HIBADH: variants seen among roughly 807,000 people sequenced by gnomAD.
HIBADH encodes 3-hydroxyisobutyrate dehydrogenase, also known as 3-hydroxyisobutyrate dehydrogenase, mitochondrial.
Under a neutral mutation model 36.1 loss-of-function variants are expected in HIBADH, and 25 were observed. That is an observed-to-expected ratio of 0.69 (90% CI 0.50 to 0.97). HIBADH has a LOEUF of 0.97. Ranked by LOEUF, HIBADH falls within the 50% of genes least tolerant of loss-of-function variation. HIBADH has a pLI of 0.00. For synonymous variants in HIBADH, 160 were observed against 149.5 expected (o/e 1.07, Z -0.51); for missense variants, 421 against 418.0 (o/e 1.01, Z -0.06).
chr7:27,541,148 T>TCTC (rs1562614912), intron 5 of HIBADH, among the ~76,000 whole-genome samples: 2 of 146,284 alleles, frequency 1.4e-5, no homozygotes, highest in Non-Finnish European at 3.0e-5. Context: ...TTTTTTTTTT[T>TCTC]CTCCGTAATA....
At chr7:27,575,449 G>C (rs1403647607) in intron 4 of HIBADH, among the ~76,000 whole-genome samples, 1 of 152,226 alleles carries the variant, frequency 6.6e-6, no homozygotes, top group Non-Finnish European at 1.5e-5. Context: ...TGGATCCAGA[G>C]TGTGGAGAGC....
At chr7:27,639,730 T>C (rs777790490) in intron 2 of HIBADH, among the ~76,000 whole-genome samples, 3 of 149,562 alleles carry the variant, frequency 2.0e-5, no homozygotes, top group Non-Finnish European at 4.5e-5. Flanking sequence ...ATTTTGTTTT[T>C]AAATTAAAAA....
intron 4 of HIBADH, among the ~76,000 whole-genome samples, chr7:27,560,536 C>A (rs1784449038): frequency 6.6e-6 from 1 of 152,126 alleles, no homozygotes; most frequent in Non-Finnish European, 1.5e-5. Flanking sequence ...CACCTGTCAC[C>A]TGAGTAGTGT....
In HIBADH at chr7:27,632,411, G is replaced by C. The variant is rs1276545421; in HGVS notation, c.287C>G (p.Ala96Gly). The C allele has an allele frequency of 1.2e-5, 19 of 1,613,450 alleles. No individual in the cohort carries two copies. The highest frequency in any genetic ancestry group is 1.5e-5 in the Non-Finnish European group (18 of 1,179,618). The change falls in exon 3 of 8, where the codon GCT (alanine) becomes GGT (glycine). Residue 96 changes from alanine to glycine, a missense_variant. Physicochemically the swap from Ala to Gly is moderately conservative, Grantham distance 60. Transcript: ENST00000265395. ...GGGCAGCATTGTAATAATTCTGTCA[G>C]CTTTTTCAGCAACATCTGCTGGGGA... ...VSSPADVAEK[A>G]DRIITMLPTS...
intron 2 of HIBADH, among the ~76,000 whole-genome samples, chr7:27,638,029 C>T (rs1182037341): frequency 6.6e-6 from 1 of 151,940 alleles, no homozygotes; most frequent in Non-Finnish European, 1.5e-5. Context: ...AGGGCTATTC[C>T]TATCAAACTA....
chr7:27,607,746 A>ATGC (rs1255655953), intron 4 of HIBADH, among the ~76,000 whole-genome samples: 1 of 18,388 alleles, frequency 5.4e-5, no homozygotes, highest in African/African-American at 3.1e-4. Context: ...GAATGCTGCA[A>ATGC]AAAAAAAAAA....
At chr7:27,548,077 T>G (rs1784260570) in intron 4 of HIBADH, among the ~76,000 whole-genome samples, 3 of 152,108 alleles carry the variant, frequency 2.0e-5, no homozygotes, top group Non-Finnish European at 4.4e-5. Flanking sequence ...TACCCTGATT[T>G]TAAAGTGATA....
chr7:27,599,730 G>A lies in HIBADH; in HGVS notation c.484+29641C>T, dbSNP rs557600800. Among the ~76,000 whole-genome samples the A allele has an allele frequency of 1.2e-3, 158 of 130,956 alleles. 1 individual carries two copies. Among genetic ancestry groups the A allele is most frequent in the African/African-American group, 4.3e-3 (149 of 34,936 alleles). The allele number at this position is 130,956 out of a possible 152,430, so 85.9% of individuals were successfully genotyped here. ...ATTGATTACAGCTGAACAACAGAAA[G>A]TAAAATAATACAAATAAAACCAAAT... On this transcript the variant is annotated intron_variant, in intron 4 of 7. Coordinates refer to ENST00000265395, the MANE Select transcript of HIBADH (RefSeq NM_152740.4).
At chr7:27,606,866 T>C (rs1254463852) in intron 4 of HIBADH, among the ~76,000 whole-genome samples, 1 of 152,226 alleles carries the variant, frequency 6.6e-6, no homozygotes, top group Admixed American at 6.5e-5. Flanking sequence ...TCCAAAAAGT[T>C]AAACTTTACA....
chr7:27,617,087 G>A (rs936038131), intron 4 of HIBADH, among the ~76,000 whole-genome samples: 2 of 7,410 alleles, frequency 2.7e-4, no homozygotes, highest in Non-Finnish European at 4.0e-4. Flanking sequence ...TTCACTCACC[G>A]ACTCATCCAG....
intron 4 of HIBADH, among the ~76,000 whole-genome samples, chr7:27,566,685 A>C (rs1266558848): frequency 2.0e-5 from 3 of 152,172 alleles, no homozygotes; most frequent in Admixed American, 2.0e-4. Context: ...TTAATTTTAT[A>C]AATTTCCTTC....
At chr7:27,647,122 TG>T (rs1302612715) in intron 2 of HIBADH, among the ~76,000 whole-genome samples, 2 of 152,170 alleles carry the variant, frequency 1.3e-5, no homozygotes, top group African/African-American at 4.8e-5. Context: ...TCTTGCGCTT[TG>T]GACCATTATG....
chr7:27,543,928 A>G (rs962907356), intron 4 of HIBADH, among the ~76,000 whole-genome samples: 3 of 152,190 alleles, frequency 2.0e-5, no homozygotes, highest in Non-Finnish European at 4.4e-5. Context: ...GGGAGAGGAA[A>G]AGCTTCATTC....
At chr7:27,528,464 T>C (rs1357873882) in intron 7 of HIBADH, among the ~76,000 whole-genome samples, 6 of 152,160 alleles carry the variant, frequency 3.9e-5, no homozygotes. Context: ...AGTGAACACA[T>C]GAATGATAAG....
chr7:27,586,481 G>A (rs1356548527), intron 4 of HIBADH, among the ~76,000 whole-genome samples: 7 of 152,054 alleles, frequency 4.6e-5, no homozygotes, highest in Admixed American at 2.6e-4. Context: ...CTGCTAAGAC[G>A]ATTTTACTAA....
intron 1 of HIBADH, among the ~76,000 whole-genome samples, chr7:27,658,073 G>C (rs1786339592): frequency 6.6e-6 from 1 of 151,908 alleles, no homozygotes; most frequent in African/African-American, 2.4e-5. Flanking sequence ...GATGACTGTA[G>C]GAGAAGCCCT....
chr7:27,645,989 C>T (rs2391450), intron 2 of HIBADH, among the ~76,000 whole-genome samples: 31,660 of 152,036 alleles, frequency 0.21, 4,191 homozygotes, highest in East Asian at 0.5. Context: ...CATTTTGTTG[C>T]TCATGCTCTT....
chr7:27,584,590 C>CA (rs1784832246), intron 4 of HIBADH, among the ~76,000 whole-genome samples: 2 of 151,964 alleles, frequency 1.3e-5, no homozygotes, highest in South Asian at 4.1e-4. Flanking sequence ...TGGTGTTCCA[C>CA]AAAAATGCAG....
At chr7:27,628,036 T>G (rs1447800966) in intron 4 of HIBADH, among the ~76,000 whole-genome samples, 1 of 152,158 alleles carries the variant, frequency 6.6e-6, no homozygotes. Context: ...CCATACCAAT[T>G]TTCAAATTCA....
Sources: allele counts gnomAD v4.1 joint callset (sites outside exome capture counted in the v4.1 genomes callset), GRCh38; gene constraint gnomAD v4.1.1; transcripts MANE v1.5; gene names NCBI Gene and HGNC (gene_info 2026-07-23, HGNC 2026-07-21).